IFT43: variants seen among roughly 807,000 people sequenced by gnomAD.
IFT43 encodes the protein intraflagellar transport 43.
Under a neutral mutation model 32.3 loss-of-function variants are expected in IFT43, and 33 were observed. The ratio of observed to expected loss-of-function variants is 1.02; its 90% CI spans 0.77 to 1.37. IFT43 has a LOEUF of 1.37. Among genes scored for constraint, IFT43 ranks in the 40% most tolerant of loss-of-function variants. The pLI, the probability that IFT43 is intolerant of heterozygous loss-of-function variation, is 0.00. For missense variants in IFT43, 274 were observed against 265.9 expected (o/e 1.03, Z -0.21); for synonymous variants, 93 against 98.2 (o/e 0.95, Z 0.31).
At chr14:76,040,120 T>G (rs369135200) in intron 3 of IFT43, among the ~76,000 whole-genome samples, 1 of 151,956 alleles carries the variant, frequency 6.6e-6, no homozygotes, top group African/African-American at 2.4e-5. Context: ...ACCCAGCTAA[T>G]TTTTTATTTT....
chr14:76,024,520 G>A (rs1176132363), intron 3 of IFT43, among the ~76,000 whole-genome samples: 3 of 152,182 alleles, frequency 2.0e-5, no homozygotes, highest in Admixed American at 6.5e-5. Context: ...CAATAATAAC[G>A]CCTATTGCAA....
intron 5 of IFT43, among the ~76,000 whole-genome samples, chr14:76,066,818 G>C (rs551587751): frequency 6.6e-6 from 1 of 152,292 alleles, no homozygotes. Context: ...AATTCCAAAG[G>C]ACAAGGTGTG....
At chr14:76,047,336 T>C (rs1321174070) in intron 3 of IFT43, among the ~76,000 whole-genome samples, 1 of 152,144 alleles carries the variant, frequency 6.6e-6, no homozygotes, top group Non-Finnish European at 1.5e-5. Context: ...CTCTCTGATG[T>C]GGGGAATAGG....
At chr14:76,016,237 G>A (rs536369590) in intron 2 of IFT43, among the ~76,000 whole-genome samples, 1 of 152,182 alleles carries the variant, frequency 6.6e-6, no homozygotes, top group South Asian at 2.1e-4. Context: ...TTTGTATATG[G>A]TGAGAGATGG....
rs144871423 is a variant in IFT43 at position 76,058,892 on chromosome 14, G to T, written c.248+218G>T. The T allele has an allele frequency of 1.4e-4, 206 of 1,475,066 alleles. No individual in the cohort carries two copies. The African/African-American group carries it at 2.5e-3, about 18-fold the overall frequency. 91.4% of individuals were successfully genotyped at this position (1,475,066 alleles called of 1,614,324 possible). ...TGATGCCCATGTCCTATCTCCCACT[G>T]TGTGGTTTTAGAATTATATGTCCAG... On this transcript the variant is annotated intron_variant, in intron 4 of 8. Coordinates refer to ENST00000314067, the MANE Select transcript of IFT43 (RefSeq NM_001102564.3).
intron 3 of IFT43, among the ~76,000 whole-genome samples, chr14:76,055,122 T>C (rs766089616): frequency 2.0e-5 from 3 of 152,112 alleles, no homozygotes; most frequent in Non-Finnish European, 4.4e-5. Flanking sequence ...AGCAGGAGAA[T>C]TGCTTGAGGT....
intron 1 of IFT43, among the ~76,000 whole-genome samples, chr14:75,986,982 CAT>C (rs983911913): frequency 4.5e-4 from 69 of 152,298 alleles, no homozygotes; most frequent in African/African-American, 1.6e-3. Flanking sequence ...TTCCTGCCCT[CAT>C]GTGATTATGT....
intron 3 of IFT43, among the ~76,000 whole-genome samples, chr14:76,045,588 G>A (rs1425730643): frequency 2.0e-5 from 3 of 152,190 alleles, no homozygotes; most frequent in African/African-American, 7.2e-5. Context: ...CCCAGAGCCA[G>A]GAGGGATGGA....
At chr14:76,031,995 T>A (rs990841667) in intron 3 of IFT43, among the ~76,000 whole-genome samples, 2 of 152,186 alleles carry the variant, frequency 1.3e-5, no homozygotes, top group African/African-American at 4.8e-5. Context: ...TGCTTGATGT[T>A]TTCAACTGGA....
chr14:76,041,605 G>A (rs980808158), intron 3 of IFT43, among the ~76,000 whole-genome samples: 6 of 152,166 alleles, frequency 3.9e-5, no homozygotes, highest in South Asian at 2.1e-4. Context: ...CTTTAATGAC[G>A]TAAAAATTCA....
chr14:76,003,263 C>CT (rs1057334271), intron 2 of IFT43, among the ~76,000 whole-genome samples: 152 of 147,688 alleles, frequency 1.0e-3, no homozygotes, highest in Admixed American at 1.9e-3. Context: ...GTTTTTTATA[C>CT]TTTTTTTTTT....
At chr14:76,043,756 A>G (rs1250654730) in intron 3 of IFT43, among the ~76,000 whole-genome samples, 1 of 152,196 alleles carries the variant, frequency 6.6e-6, no homozygotes, top group Non-Finnish European at 1.5e-5. Flanking sequence ...TCTGCAGTGG[A>G]CACTAGCTGG....
chr14:76,065,533 A>T (rs2037212195), intron 5 of IFT43, among the ~76,000 whole-genome samples: 1 of 151,830 alleles, frequency 6.6e-6, no homozygotes, highest in Admixed American at 6.6e-5. Context: ...AAAACTACTA[A>T]TGTGTTGTTC....
At chr14:76,064,762 T>C (rs1006584385) in intron 5 of IFT43, among the ~76,000 whole-genome samples, 1 of 152,210 alleles carries the variant, frequency 6.6e-6, no homozygotes, top group Non-Finnish European at 1.5e-5. Flanking sequence ...AAAAGGATTT[T>C]AGAGTTCTTT....
intron 2 of IFT43, among the ~76,000 whole-genome samples, chr14:75,994,655 A>C (rs915669437): frequency 8.5e-5 from 13 of 152,218 alleles, no homozygotes; most frequent in Non-Finnish European, 1.8e-4. Flanking sequence ...GGCTTGGATC[A>C]CTAGAAGCAT....
chr14:76,076,557 G>C (rs761046248), intron 5 of IFT43: 6 of 1,612,718 alleles, frequency 3.7e-6, no homozygotes, highest in Non-Finnish European at 5.1e-6. Flanking sequence ...TATACTCATT[G>C]CAAGCTGAGT....
At chr14:76,018,419 T>C (rs2036229515) in intron 2 of IFT43, among the ~76,000 whole-genome samples, 1 of 152,154 alleles carries the variant, frequency 6.6e-6, no homozygotes, top group Admixed American at 6.6e-5. Context: ...AGATACTTGA[T>C]ATGATTTTGG....
In IFT43 at chr14:76,058,770, C is replaced by T. The variant is rs778529925; in HGVS notation, c.248+96C>T. The T allele has an allele frequency of 8.1e-6, 13 of 1,602,350 alleles. No homozygotes were observed. In the African/African-American group the frequency reaches 1.3e-4, roughly 16 times the overall value. ...CATGATCTGTTCCACCTATGTTGAA[C>T]ACTGTGTTAGAAGTCTGGGGCTAGA... On this transcript the variant is annotated intron_variant, in intron 4 of 8. Transcript: ENST00000314067.
At chr14:76,057,345 T>C (rs538762895) in intron 3 of IFT43, among the ~76,000 whole-genome samples, 4 of 152,246 alleles carry the variant, frequency 2.6e-5, no homozygotes, top group African/African-American at 7.2e-5. Context: ...GATTCTCCTG[T>C]CTCAGCCTCT....
Sources: gnomAD v4.1 joint callset for allele counts (sites outside exome capture counted in the v4.1 genomes callset) on GRCh38, gnomAD v4.1.1 for gene constraint, MANE v1.5 for transcripts, NCBI Gene and HGNC (gene_info 2026-07-23, HGNC 2026-07-21) for gene names.